The following CCDC85A variants were observed in gnomAD, a reference collection of about 807,000 sequenced individuals.
The protein encoded by CCDC85A is coiled-coil domain containing 85A, also known as coiled-coil domain-containing protein 85A.
In CCDC85A, 38 loss-of-function variants were observed where a neutral mutation model predicts 50.2. The observed-to-expected ratio is 0.76, with a 90% CI of 0.58 to 0.99. The LOEUF is 0.99. Ranked by LOEUF, CCDC85A falls within the 50% of genes least tolerant of loss-of-function variation. CCDC85A has a pLI of 0.00. For synonymous variants in CCDC85A, 366 were observed against 301.4 expected (o/e 1.21, Z -2.22); for missense variants, 820 against 742.0 (o/e 1.11, Z -1.22).
chr2:56,337,423 G>A (rs920672131), intron 2 of CCDC85A, among the ~76,000 whole-genome samples: 2 of 152,192 alleles, frequency 1.3e-5, no homozygotes, highest in African/African-American at 2.4e-5. Context: ...CTGGATTATC[G>A]TGATTTGATA....
intron 2 of CCDC85A, among the ~76,000 whole-genome samples, chr2:56,269,698 G>A (rs748320945): frequency 1.3e-5 from 2 of 152,100 alleles, no homozygotes; most frequent in Non-Finnish European, 2.9e-5. Flanking sequence ...TTTAATTGGT[G>A]CTGTCTTAAT....
At chr2:56,224,361 T>C (rs1238085557) in intron 2 of CCDC85A, among the ~76,000 whole-genome samples, 2 of 152,218 alleles carry the variant, frequency 1.3e-5, no homozygotes, top group Admixed American at 6.5e-5. Flanking sequence ...AATCCATTCA[T>C]TGATGATGAA....
At chr2:56,320,944 G>C (rs892687017) in intron 2 of CCDC85A, among the ~76,000 whole-genome samples, 5 of 152,102 alleles carry the variant, frequency 3.3e-5, no homozygotes, top group Non-Finnish European at 5.9e-5. Context: ...TATCCACCAC[G>C]ATCAAGTGGG....
rs192806673 is a variant in CCDC85A at position 56,221,957 on chromosome 2, A to G, written c.1240+28517A>G. On this transcript the variant is annotated intron_variant, in intron 2 of 5. Transcript: ENST00000407595. ...ATAAGGATAGAAGGGTGGAAAGTGG[A>G]AGCAAGTGCACAAGACAGAGGAAAT... is the stretch of plus-strand genomic sequence containing the variant. Among the ~76,000 whole-genome samples the G allele has an allele frequency of 1.4e-4, 22 of 152,198 alleles. No individual in the cohort carries two copies. The East Asian group carries it at 4.1e-3, about 28-fold the overall frequency.
At chr2:56,270,977 A>T (rs1236451565) in intron 2 of CCDC85A, among the ~76,000 whole-genome samples, 2 of 152,184 alleles carry the variant, frequency 1.3e-5, no homozygotes, top group African/African-American at 4.8e-5. Context: ...AAATCCTAAC[A>T]ACTTTTGAAT....
intron 2 of CCDC85A, among the ~76,000 whole-genome samples, chr2:56,221,446 G>A (rs1668325001): frequency 6.6e-6 from 1 of 151,724 alleles, no homozygotes; most frequent in African/African-American, 2.4e-5. Flanking sequence ...GATACTCTCT[G>A]TTATGTTTGC....
intron 3 of CCDC85A, among the ~76,000 whole-genome samples, chr2:56,369,694 C>A (rs536430562): frequency 6.6e-5 from 10 of 152,024 alleles, no homozygotes; most frequent in East Asian, 3.9e-4. Context: ...TCAAGAGGAA[C>A]CTTTATGTGT....
intron 1 of CCDC85A, among the ~76,000 whole-genome samples, chr2:56,187,652 G>T (rs974783927): frequency 6.6e-6 from 1 of 152,190 alleles, no homozygotes; most frequent in Admixed American, 6.5e-5. Context: ...AGTGAAGTTA[G>T]ATAGTTTTCT....
chr2:56,221,241 G>T (rs558391308), intron 2 of CCDC85A, among the ~76,000 whole-genome samples: 20 of 152,088 alleles, frequency 1.3e-4, no homozygotes, highest in Admixed American at 1.0e-3. Flanking sequence ...ATCATCAACT[G>T]CCAATGCATT....
At chr2:56,378,874 T>C (rs1288290551) in intron 5 of CCDC85A, among the ~76,000 whole-genome samples, 2 of 152,152 alleles carry the variant, frequency 1.3e-5, no homozygotes, top group African/African-American at 4.8e-5. Flanking sequence ...CTATAGGAAC[T>C]TCTAGGGAGA....
rs1312647106 is a variant in CCDC85A, at chr2:56,184,005, C to G, written c.-620C>G. 1.0e-6 allele frequency: 1 copy of G among 985,490 alleles called. No homozygotes were observed. Among genetic ancestry groups the G allele is most frequent in the Non-Finnish European group, 1.2e-6 (1 of 830,118 alleles). The allele number at this position is 985,490 out of a possible 1,614,324, so 61.0% of individuals were successfully genotyped here. The stretch of plus-strand genomic sequence containing the variant: ...CCCTCCACCCCTTCTCGACTCCGCT[C>G]TGCAAATCGAAGGCTTTCCGGAGCA... On this transcript the variant is annotated 5_prime_UTR_variant, in exon 1 of 6. Transcript: ENST00000407595.
chr2:56,242,845 G>A (rs559197022), intron 2 of CCDC85A, among the ~76,000 whole-genome samples: 1 of 152,088 alleles, frequency 6.6e-6, no homozygotes, highest in African/African-American at 2.4e-5. Flanking sequence ...TGCCAGTCCA[G>A]TGGCCTGGAG....
chr2:56,273,374 A>G (rs1455531615), intron 2 of CCDC85A, among the ~76,000 whole-genome samples: 4 of 152,132 alleles, frequency 2.6e-5, no homozygotes, highest in African/African-American at 9.7e-5. Context: ...AGCTCAAGGA[A>G]AACCATTGCA....
At chr2:56,378,514 A>G (rs1215088429) in intron 5 of CCDC85A, among the ~76,000 whole-genome samples, 1 of 152,228 alleles carries the variant, frequency 6.6e-6, no homozygotes, top group African/African-American at 2.4e-5. Flanking sequence ...TATGTTTTCT[A>G]TGAATATTCA....
At position 56,213,361 on chromosome 2, in the gene CCDC85A, G is replaced by A. The variant is rs1011110820; in HGVS notation, c.1240+19921G>A. Among the ~76,000 whole-genome samples the A allele has an allele frequency of 1.1e-4, 17 of 151,998 alleles. 1 individual carries two copies. The East Asian group carries it at 1.2e-3, about 10-fold the overall frequency. On this transcript the variant is annotated intron_variant, in intron 2 of 5. Coordinates refer to ENST00000407595, the MANE Select transcript of CCDC85A (RefSeq NM_001080433.2). ...TTAGGTCAATACCTCAAATTAATCT[G>A]TATTATCTCACACCTTATAAATACA...
intron 2 of CCDC85A, among the ~76,000 whole-genome samples, chr2:56,306,784 G>A (rs972036928): frequency 2.0e-5 from 3 of 152,128 alleles, no homozygotes; most frequent in Admixed American, 6.6e-5. Context: ...TAAGCTAGAT[G>A]TTGAGTTACA....
chr2:56,262,202 A>AT (rs1276307163), intron 2 of CCDC85A, among the ~76,000 whole-genome samples: 4 of 151,968 alleles, frequency 2.6e-5, no homozygotes, highest in African/African-American at 9.7e-5. Context: ...GGTTAAGCTG[A>AT]TTTTTTCTAC....
chr2:56,363,278 A>G (rs1178339440), intron 3 of CCDC85A, among the ~76,000 whole-genome samples: 1 of 152,082 alleles, frequency 6.6e-6, no homozygotes, highest in African/African-American at 2.4e-5. Flanking sequence ...TCCCTGCCAG[A>G]GATATTACTA....
chr2:56,220,994 C>T (rs2103906315), intron 2 of CCDC85A, among the ~76,000 whole-genome samples: 1 of 152,088 alleles, frequency 6.6e-6, no homozygotes, highest in African/African-American at 2.4e-5. Context: ...CACATTTGGC[C>T]CACTGGATTG....
Sources: allele counts gnomAD v4.1 joint callset (sites outside exome capture counted in the v4.1 genomes callset), GRCh38; gene constraint gnomAD v4.1.1; transcripts MANE v1.5; gene names NCBI Gene and HGNC (gene_info 2026-07-23, HGNC 2026-07-21).